Variants in CDK14 observed in about 807,000 individuals in gnomAD.
CDK14 encodes cyclin dependent kinase 14.
CDK14 carries 34 observed loss-of-function variants against 60.7 expected under a neutral mutation model. The observed-to-expected ratio is 0.56, with a 90% CI of 0.43 to 0.75. CDK14 has a LOEUF of 0.75. CDK14 is among the 30% of genes least tolerant of loss of function. The probability of loss-of-function intolerance (pLI) is 0.00; values close to 1 mark genes in which losing one functional copy is unlikely to be tolerated. For missense variants in CDK14, 482 were observed against 564.1 expected, an observed-to-expected ratio of 0.85 and a Z score of 1.47; for synonymous variants, 197 against 203.7, an observed-to-expected ratio of 0.97 and a Z score of 0.28.
chr7:91,102,766 G>A (rs1195420173), intron 12 of CDK14, among the ~76,000 whole-genome samples: 1 of 151,708 alleles, frequency 6.6e-6, no homozygotes. Flanking sequence ...TCCGGGGGAT[G>A]TATAGTTTGA....
intron 8 of CDK14, among the ~76,000 whole-genome samples, chr7:90,938,214 G>A (rs186586113): frequency 5.9e-5 from 9 of 152,184 alleles, no homozygotes; most frequent in African/African-American, 2.2e-4. Flanking sequence ...TGTACTAAAT[G>A]GCAATCCTTT....
intron 10 of CDK14, among the ~76,000 whole-genome samples, chr7:91,039,834 G>T (rs191958344): frequency 6.6e-6 from 1 of 152,110 alleles, no homozygotes; most frequent in South Asian, 2.1e-4. Context: ...GCTCACACCC[G>T]TAGTCCTAGA....
intron 8 of CDK14, among the ~76,000 whole-genome samples, chr7:90,936,901 A>T (rs1793771990): frequency 1.3e-5 from 2 of 152,006 alleles, no homozygotes; most frequent in South Asian, 4.1e-4. Flanking sequence ...TAATGTAGTG[A>T]TACTCTATCT....
chr7:90,687,846 A>G (rs1801470575), intron 2 of CDK14, among the ~76,000 whole-genome samples: 1 of 152,168 alleles, frequency 6.6e-6, no homozygotes, highest in Non-Finnish European at 1.5e-5. Context: ...TTTCTGAGGT[A>G]CCCTGATAAA....
At chr7:91,199,027 G>T (rs952742683) in intron 14 of CDK14, among the ~76,000 whole-genome samples, 7 of 152,124 alleles carry the variant, frequency 4.6e-5, no homozygotes, top group African/African-American at 1.4e-4. Flanking sequence ...TTTGTATTTG[G>T]TTTGTTTAAA....
chr7:91,116,108 A>C (rs928818933), intron 13 of CDK14, among the ~76,000 whole-genome samples: 1 of 152,220 alleles, frequency 6.6e-6, no homozygotes. Flanking sequence ...GGGCTGATTT[A>C]GAAGAAATTC....
At chr7:91,181,742 A>G (rs564461258) in intron 14 of CDK14, among the ~76,000 whole-genome samples, 44 of 152,196 alleles carry the variant, frequency 2.9e-4, no homozygotes, top group African/African-American at 9.9e-4. Context: ...TTTTTGACCA[A>G]TGGGAGACTC....
chr7:90,772,307 G>T (rs1188414613), intron 4 of CDK14, among the ~76,000 whole-genome samples: 1 of 152,200 alleles, frequency 6.6e-6, no homozygotes, highest in Admixed American at 6.5e-5. Flanking sequence ...AAATCAAAAT[G>T]CAGGAGCCAT....
intron 2 of CDK14, among the ~76,000 whole-genome samples, chr7:90,704,185 G>A (rs1801846313): frequency 6.6e-6 from 1 of 152,174 alleles, no homozygotes; most frequent in Admixed American, 6.5e-5. Flanking sequence ...ACCAGTTTCT[G>A]TTATAGAGTC....
intron 4 of CDK14, among the ~76,000 whole-genome samples, chr7:90,771,011 C>A (rs1481949212): frequency 2.0e-5 from 3 of 152,182 alleles, no homozygotes; most frequent in African/African-American, 7.2e-5. Flanking sequence ...GATCACCCTG[C>A]CTGCCTCAGT....
At chr7:91,030,832 C>G (rs2115935455) in intron 10 of CDK14, among the ~76,000 whole-genome samples, 1 of 152,362 alleles carries the variant, frequency 6.6e-6, no homozygotes, top group South Asian at 2.1e-4. Context: ...CTCCCAGTAT[C>G]TCCCTGGGCC....
chr7:90,935,247 T>C (rs960594643), intron 8 of CDK14, among the ~76,000 whole-genome samples: 7 of 152,194 alleles, frequency 4.6e-5, no homozygotes, highest in Non-Finnish European at 8.8e-5. Flanking sequence ...CCTGATCAGA[T>C]TTTAAATGTC....
chr7:90,831,716 C>A (rs749653991), intron 5 of CDK14, among the ~76,000 whole-genome samples: 3 of 151,970 alleles, frequency 2.0e-5, no homozygotes, highest in Non-Finnish European at 2.9e-5. Flanking sequence ...ACCCTTTTCC[C>A]CATTATCTGT....
chr7:91,090,837 T>C (rs1054709425), intron 12 of CDK14, among the ~76,000 whole-genome samples: 1 of 152,126 alleles, frequency 6.6e-6, no homozygotes, highest in Non-Finnish European at 1.5e-5. Flanking sequence ...GCAGCACTGA[T>C]TCTGTAGGCG....
chr7:90,934,083 T>C (rs1342852641), intron 8 of CDK14, among the ~76,000 whole-genome samples: 1 of 152,236 alleles, frequency 6.6e-6, no homozygotes, highest in Non-Finnish European at 1.5e-5. Flanking sequence ...CCAGTTGCAG[T>C]CTCCAAGCTC....
At chr7:90,865,483 C>A (rs980611171) in intron 6 of CDK14, among the ~76,000 whole-genome samples, 1 of 152,112 alleles carries the variant, frequency 6.6e-6, no homozygotes, top group Non-Finnish European at 1.5e-5. Flanking sequence ...AATCAGATTG[C>A]TTTCCTCACA....
intron 9 of CDK14, among the ~76,000 whole-genome samples, chr7:90,958,607 T>A (rs1794504746): frequency 6.6e-6 from 1 of 152,140 alleles, no homozygotes; most frequent in Non-Finnish European, 1.5e-5. Flanking sequence ...ATTAGTGTAA[T>A]GGCAGAAAAA....
Position 90,596,582 on chromosome 7 carries a change from T to G in CDK14, c.-46T>G. The G allele has an allele frequency of 1.3e-6, 2 of 1,533,698 alleles. No individual in the cohort carries two copies. The highest frequency in any genetic ancestry group is 1.8e-6 in the Non-Finnish European group (2 of 1,110,150). On this transcript the variant is annotated 5_prime_UTR_variant, in exon 1 of 15. Transcript: ENST00000380050. ...CGCGCCCTCGCCGTTGTCTGAGCTG[T>G]GCCTGGACCAGTTTGGGGAAGTTGT...
chr7:90,848,658 T>C (rs1421887909), intron 5 of CDK14, among the ~76,000 whole-genome samples: 1 of 152,150 alleles, frequency 6.6e-6, no homozygotes, highest in Non-Finnish European at 1.5e-5. Flanking sequence ...CATCCCAAAT[T>C]GGATGATTTT....
Sources: gnomAD v4.1 joint callset for allele counts (sites outside exome capture counted in the v4.1 genomes callset) on GRCh38, gnomAD v4.1.1 for gene constraint, MANE v1.5 for transcripts, NCBI Gene and HGNC (gene_info 2026-07-23, HGNC 2026-07-21) for gene names.